Variants in PALM2AKAP2 observed in about 807,000 individuals in gnomAD.
The protein encoded by PALM2AKAP2 is PALM2 and AKAP2 fusion.
PALM2AKAP2 carries 37 observed loss-of-function variants against 71.5 expected under a neutral mutation model. The ratio of observed to expected loss-of-function variants is 0.52; its 90% CI spans 0.40 to 0.68. PALM2AKAP2 has a LOEUF of 0.68. Ranked by LOEUF, PALM2AKAP2 falls within the 30% of genes least tolerant of loss-of-function variation. The probability of loss-of-function intolerance (pLI) is 0.00; values close to 1 mark genes in which losing one functional copy is unlikely to be tolerated. For missense variants in PALM2AKAP2, 1,224 were observed against 1,191.8 expected, an observed-to-expected ratio of 1.03 and a Z score of -0.40; for synonymous variants, 468 against 478.8, an observed-to-expected ratio of 0.98 and a Z score of 0.29.
At chr9:109,902,658 C>G (rs945349748) in intron 3 of PALM2AKAP2, among the ~76,000 whole-genome samples, 3 of 152,226 alleles carry the variant, frequency 2.0e-5, no homozygotes, top group African/African-American at 7.2e-5. Flanking sequence ...TATTCAGTGC[C>G]TTGGCCACTT....
chr9:109,834,212 C>CAAACA (rs767305862), intron 1 of PALM2AKAP2, among the ~76,000 whole-genome samples: 52 of 152,122 alleles, frequency 3.4e-4, no homozygotes, highest in African/African-American at 8.7e-4. Context: ...GACTCCATTT[C>CAAACA]AAACAAAACA....
At chr9:109,944,119 C>G (rs1831446501) in intron 6 of PALM2AKAP2, 1 of 152,552 alleles carries the variant, frequency 6.6e-6, no homozygotes, top group African/African-American at 2.4e-5. Flanking sequence ...GTCTCTCTTT[C>G]TATGGTTTAA....
intron 6 of PALM2AKAP2, among the ~76,000 whole-genome samples, chr9:109,937,367 C>T (rs1027593092): frequency 6.6e-6 from 1 of 152,098 alleles, no homozygotes; most frequent in Non-Finnish European, 1.5e-5. Flanking sequence ...AGGGCGTTTC[C>T]CTATTGATGA....
intron 2 of PALM2AKAP2, 119 bp downstream of exon 2, chr9:109,867,690 A>G (rs532707202): frequency 2.6e-6 from 3 of 1,157,208 alleles, no homozygotes; most frequent in East Asian, 5.4e-5. Flanking sequence ...AGCCTTTTTC[A>G]TTCAATCAGG....
exon 4 of PALM2AKAP2, chr9:110,168,463 T>A (rs1438957762): frequency 1.2e-6 from 2 of 1,614,138 alleles, no homozygotes; most frequent in East Asian, 4.5e-5. Flanking sequence ...GAAGCAGGGA[T>A]CTATGCCAAC....
intron 6 of PALM2AKAP2, among the ~76,000 whole-genome samples, chr9:109,962,151 C>T (rs1831862507): frequency 6.6e-6 from 1 of 152,238 alleles, no homozygotes; most frequent in South Asian, 2.1e-4. Flanking sequence ...TGCACAGTTG[C>T]TCAGAGTTCT....
intron 1 of PALM2AKAP2, among the ~76,000 whole-genome samples, chr9:109,657,938 TTGTGTGTG>T (rs35984840): frequency 0.021 from 3,043 of 142,504 alleles, 101 homozygotes; most frequent in African/African-American, 0.074. Flanking sequence ...TTGTGTGTGT[TTGTGTGTG>T]TGTGTGTGTG....
intron 1 of PALM2AKAP2, among the ~76,000 whole-genome samples, chr9:110,112,995 C>T (rs1392124807): frequency 6.6e-6 from 1 of 152,238 alleles, no homozygotes; most frequent in Non-Finnish European, 1.5e-5. Flanking sequence ...CTCTCGGGCT[C>T]TTTGTTCCTT....
intron 7 of PALM2AKAP2, among the ~76,000 whole-genome samples, chr9:110,035,488 A>C (rs1023202495): frequency 1.4e-5 from 2 of 143,296 alleles, no homozygotes; most frequent in South Asian, 4.3e-4. Flanking sequence ...TGTGTGTTAT[A>C]TATAACATAT....
intron 3 of PALM2AKAP2, among the ~76,000 whole-genome samples, chr9:109,895,131 A>G (rs913851871): frequency 1.3e-5 from 2 of 152,224 alleles, no homozygotes; most frequent in African/African-American, 4.8e-5. Flanking sequence ...CAAAGCCACC[A>G]TTCTTTTCCT....
chr9:109,793,740 G>C (rs12380782), intron 1 of PALM2AKAP2, among the ~76,000 whole-genome samples: 43,570 of 152,118 alleles, frequency 0.29, 7,150 homozygotes, highest in African/African-American at 0.45. Flanking sequence ...CCTATGAGCA[G>C]TGCCTGGTTT....
intron 1 of PALM2AKAP2, among the ~76,000 whole-genome samples, chr9:109,793,028 G>A (rs1224058918): frequency 1.3e-5 from 2 of 152,080 alleles, no homozygotes; most frequent in Non-Finnish European, 2.9e-5. Flanking sequence ...AATACTCTTT[G>A]ATTTTATTAC....
intron 1 of PALM2AKAP2, among the ~76,000 whole-genome samples, chr9:109,725,875 G>A (rs9409094): frequency 0.56 from 84,692 of 151,988 alleles, 23,728 homozygotes; most frequent in South Asian, 0.64. Context: ...GTCTCTCATC[G>A]TGGCAGCTAT....
At chr9:109,942,480 C>G (rs1046534539) in intron 6 of PALM2AKAP2, among the ~76,000 whole-genome samples, 3 of 152,208 alleles carry the variant, frequency 2.0e-5, no homozygotes, top group Non-Finnish European at 4.4e-5. Flanking sequence ...AACCGTGCAT[C>G]TGTCTTCCAA....
rs376547002 is a variant in PALM2AKAP2, at chr9:109,867,632, G to T, written c.126+61G>T. ...AGACATGCAGATCACACTCCGGAGAGCTGGGCAGTGCCTGCCCTGCCGTGA... is the reference window on the plus strand; with the variant it reads ...AGACATGCAGATCACACTCCGGAGATCTGGGCAGTGCCTGCCCTGCCGTGA... On this transcript the variant is annotated intron_variant, in intron 2 of 9. Transcript: ENST00000302798. 14 of 1,539,488 alleles carry T rather than the reference G, an allele frequency of 9.1e-6. No individual in the cohort carries two copies. The African/African-American group carries it at 1.8e-4, about 20-fold the overall frequency.
At chr9:109,841,518 A>AAAC (rs1828675858) in intron 1 of PALM2AKAP2, among the ~76,000 whole-genome samples, 1 of 103,204 alleles carries the variant, frequency 9.7e-6, no homozygotes. Flanking sequence ...AGTATAATAA[A>AAAC]AAAAAAAAAG....
intron 1 of PALM2AKAP2, among the ~76,000 whole-genome samples, chr9:109,685,243 G>A (rs148314943): frequency 0.015 from 2,226 of 152,142 alleles, 27 homozygotes; most frequent in Non-Finnish European, 0.022. Context: ...GACTGTGTAT[G>A]TTTATACACA....
chr9:110,003,766 C>T (rs927460453), intron 6 of PALM2AKAP2, among the ~76,000 whole-genome samples: 6 of 152,124 alleles, frequency 3.9e-5, no homozygotes, highest in Admixed American at 3.9e-4. Flanking sequence ...CTGAATTGAT[C>T]CCTTTACCAT....
At chr9:110,019,738 T>C (rs35495365) in intron 7 of PALM2AKAP2, among the ~76,000 whole-genome samples, 16,884 of 152,198 alleles carry the variant, frequency 0.11, 1,010 homozygotes, top group African/African-American at 0.17. Flanking sequence ...AGGTGGGAAC[T>C]ACTACACATG....
Sources: gnomAD v4.1 joint callset for allele counts (sites outside exome capture counted in the v4.1 genomes callset) on GRCh38, gnomAD v4.1.1 for gene constraint, MANE v1.5 for transcripts, NCBI Gene and HGNC (gene_info 2026-07-23, HGNC 2026-07-21) for gene names.